The following MAGI2 variants were observed in gnomAD, a reference collection of about 807,000 sequenced individuals.
The protein encoded by MAGI2 is membrane associated guanylate kinase, WW and PDZ domain containing 2.
MAGI2 carries 35 observed loss-of-function variants against 133.3 expected under a neutral mutation model. The ratio of observed to expected loss-of-function variants is 0.26; its 90% CI spans 0.20 to 0.35. The LOEUF is 0.35. MAGI2 is among the 10% of genes least tolerant of loss of function. The pLI is 1.00. For synonymous variants in MAGI2, 729 were observed against 710.6 expected (o/e 1.03, Z -0.41); for missense variants, 1,636 against 1,863.4 (o/e 0.88, Z 2.25).
chr7:78,855,417 A>G (rs1056268996), intron 2 of MAGI2, among the ~76,000 whole-genome samples: 6 of 151,964 alleles, frequency 3.9e-5, no homozygotes, highest in Admixed American at 6.6e-5. Context: ...CCTCCACCCC[A>G]TGACAGGCCC....
intron 20 of MAGI2, among the ~76,000 whole-genome samples, chr7:78,114,189 G>A (rs924082691): frequency 9.2e-5 from 14 of 152,224 alleles, no homozygotes; most frequent in Non-Finnish European, 2.1e-4. Flanking sequence ...ACTATGACAG[G>A]TAAGAATTTT....
intron 1 of MAGI2, among the ~76,000 whole-genome samples, chr7:79,023,500 G>A (rs370300428): frequency 3.1e-4 from 47 of 152,106 alleles, no homozygotes; most frequent in East Asian, 2.7e-3. Context: ...TCTGGCAAGA[G>A]AAAGAAATAA....
intron 1 of MAGI2, among the ~76,000 whole-genome samples, chr7:79,220,716 T>TA (rs1830382681): frequency 6.6e-6 from 1 of 152,062 alleles, no homozygotes; most frequent in Non-Finnish European, 1.5e-5. Flanking sequence ...CCTCACTCTA[T>TA]TAAACTCTTT....
chr7:78,450,886 G>A (rs763208525), intron 6 of MAGI2, among the ~76,000 whole-genome samples: 3 of 152,036 alleles, frequency 2.0e-5, no homozygotes, highest in Non-Finnish European at 2.9e-5. Flanking sequence ...AAGCAATAGC[G>A]AGAAGAACAG....
intron 3 of MAGI2, among the ~76,000 whole-genome samples, chr7:78,540,525 A>C (rs1293926026): frequency 1.3e-5 from 2 of 152,170 alleles, no homozygotes; most frequent in African/African-American, 4.8e-5. Context: ...GAGAGAAAGC[A>C]GGGGTTTCAG....
intron 21 of MAGI2, among the ~76,000 whole-genome samples, chr7:78,028,125 T>A (rs1809144370): frequency 6.6e-6 from 1 of 152,262 alleles, no homozygotes; most frequent in Non-Finnish European, 1.5e-5. Flanking sequence ...AGGTGATTGC[T>A]TTTTGTAACA....
At chr7:78,127,529 TCTC>T (rs1372230017) in intron 18 of MAGI2, 113 bp from the exon 19 acceptor site, 1 of 699,466 alleles carries the variant, frequency 1.4e-6, no homozygotes, top group African/African-American at 1.8e-5. Context: ...AAACCACTCC[TCTC>T]GGTGGTCCTG....
rs190724619 is a variant in MAGI2, at chr7:79,181,545, C to T, written c.302-174339G>A. Among the ~76,000 whole-genome samples, 25 of 152,056 alleles carry T rather than the reference C, an allele frequency of 1.6e-4. No homozygotes were observed. In the East Asian group the frequency reaches 2.1e-3, roughly 13 times the overall value. ...CCGGCCCACAAAACTATTTTTTCCC[C>T]CTAAACCTCCGGGCCTGTGATGGGA... On this transcript the variant is annotated intron_variant, in intron 1 of 21. Transcript: ENST00000354212.
chr7:79,400,535 C>T (rs1845394951), intron 1 of MAGI2, among the ~76,000 whole-genome samples: 1 of 151,958 alleles, frequency 6.6e-6, no homozygotes, highest in Admixed American at 6.6e-5. Flanking sequence ...AAATCCTTGC[C>T]CTGTGGCTTC....
intron 7 of MAGI2, among the ~76,000 whole-genome samples, chr7:78,363,197 T>C (rs1045330293): frequency 6.6e-6 from 1 of 152,146 alleles, no homozygotes; most frequent in Admixed American, 6.5e-5. Flanking sequence ...ACGGAATTGT[T>C]AATAATTCTG....
chr7:79,270,700 C>T (rs4730746), intron 1 of MAGI2, among the ~76,000 whole-genome samples: 91,388 of 151,788 alleles, frequency 0.6, 29,180 homozygotes, highest in Non-Finnish European at 0.7. Context: ...AATTAGCTAG[C>T]TGTGTGGTCT....
At chr7:78,292,795 C>T (rs977879977) in intron 9 of MAGI2, among the ~76,000 whole-genome samples, 5 of 152,208 alleles carry the variant, frequency 3.3e-5, no homozygotes, top group African/African-American at 1.2e-4. Context: ...CTACAACCAT[C>T]TGATCTTTGA....
chr7:79,219,057 T>G (rs564338279), intron 1 of MAGI2, among the ~76,000 whole-genome samples: 1 of 152,200 alleles, frequency 6.6e-6, no homozygotes, highest in Non-Finnish European at 1.5e-5. Context: ...ACATTACCAA[T>G]AGCATTTTCT....
At chr7:78,511,838 G>A (rs966802904) in intron 4 of MAGI2, among the ~76,000 whole-genome samples, 2 of 151,560 alleles carry the variant, frequency 1.3e-5, no homozygotes, top group African/African-American at 4.8e-5. Flanking sequence ...GCTCATGCCT[G>A]TAATCCCAGC....
intron 9 of MAGI2, among the ~76,000 whole-genome samples, chr7:78,289,613 C>T (rs62463893): frequency 6.6e-6 from 1 of 152,224 alleles, no homozygotes; most frequent in South Asian, 2.1e-4. Flanking sequence ...CACAAAGATA[C>T]TCCTCGAGAA....
intron 1 of MAGI2, among the ~76,000 whole-genome samples, chr7:79,396,587 A>G (rs1331264336): frequency 6.6e-6 from 1 of 152,144 alleles, no homozygotes; most frequent in African/African-American, 2.4e-5. Context: ...CAGTGGCCCT[A>G]TACAGCTCTA....
intron 3 of MAGI2, among the ~76,000 whole-genome samples, chr7:78,622,232 C>T (rs1358342765): frequency 6.6e-6 from 1 of 151,908 alleles, no homozygotes; most frequent in Non-Finnish European, 1.5e-5. Flanking sequence ...TCTTATGGAT[C>T]CCACATAGTT....
chr7:79,244,121 G>T (rs1185398887), intron 1 of MAGI2, among the ~76,000 whole-genome samples: 1 of 152,186 alleles, frequency 6.6e-6, no homozygotes, highest in Non-Finnish European at 1.5e-5. Flanking sequence ...TCTCCATGAG[G>T]TCTTTGTAAA....
chr7:78,886,769 T>A (rs1164005559), intron 2 of MAGI2, among the ~76,000 whole-genome samples: 3 of 152,210 alleles, frequency 2.0e-5, no homozygotes, highest in Admixed American at 2.0e-4. Context: ...AAGGATTAAC[T>A]CAAAATTTCC....
Sources: gnomAD v4.1 joint callset for allele counts (sites outside exome capture counted in the v4.1 genomes callset) on GRCh38, gnomAD v4.1.1 for gene constraint, MANE v1.5 for transcripts, NCBI Gene and HGNC (gene_info 2026-07-23, HGNC 2026-07-21) for gene names.